AK5: variants seen among roughly 807,000 people sequenced by gnomAD.
AK5 encodes the protein adenylate kinase 5.
Under a neutral mutation model 69.5 loss-of-function variants are expected in AK5, and 27 were observed. The ratio of observed to expected loss-of-function variants is 0.39; its 90% confidence interval spans 0.29 to 0.54. The LOEUF is 0.54. AK5 is among the 20% of genes least tolerant of loss of function. The probability of loss-of-function intolerance (pLI) is 0.71; values close to 1 mark genes in which losing one functional copy is unlikely to be tolerated. For synonymous variants in AK5, 260 were observed against 244.4 expected (o/e 1.06, Z -0.60); for missense variants, 531 against 700.4 (o/e 0.76, Z 2.73).
intron 8 of AK5, among the ~76,000 whole-genome samples, chr1:77,443,998 T>G (rs1052175277): frequency 7.3e-5 from 11 of 151,122 alleles, no homozygotes; most frequent in African/African-American, 2.7e-4. Flanking sequence ...TGCAGTACAC[T>G]ATTATTAACT....
intron 6 of AK5, among the ~76,000 whole-genome samples, chr1:77,368,240 TATATATATATATA>T (rs1647041624): frequency 1.7e-3 from 6 of 3,480 alleles, no homozygotes; most frequent in Non-Finnish European, 5.0e-3. Flanking sequence ...TATATATATA[TATATATATATATA>T]ATATATATGT....
At chr1:77,324,944 A>G (rs1487768059) in intron 5 of AK5, among the ~76,000 whole-genome samples, 1 of 150,966 alleles carries the variant, frequency 6.6e-6, no homozygotes, top group Non-Finnish European at 1.5e-5. Flanking sequence ...CTATTACATC[A>G]GAGCAATTTA....
At chr1:77,539,983 G>A (rs1374791659) in intron 13 of AK5, among the ~76,000 whole-genome samples, 1 of 152,130 alleles carries the variant, frequency 6.6e-6, no homozygotes, top group African/African-American at 2.4e-5. Context: ...AAGCCACAGG[G>A]GGGGCCAACC....
chr1:77,390,902 ATTAT>A (rs1422102857), intron 6 of AK5, among the ~76,000 whole-genome samples: 1 of 152,220 alleles, frequency 6.6e-6, no homozygotes, highest in Non-Finnish European at 1.5e-5. Context: ...AGAACAATAG[ATTAT>A]TTGTGTCTGT....
chr1:77,553,700 C>T (rs962340918), intron 13 of AK5, among the ~76,000 whole-genome samples: 11 of 152,186 alleles, frequency 7.2e-5, no homozygotes, highest in African/African-American at 1.7e-4. Flanking sequence ...TCCACTGATA[C>T]GATCATGGAC....
rs1397730916 is a variant in AK5 at position 77,342,904 on chromosome 1, A to T, written c.891+2336A>T. On this transcript the variant is annotated intron_variant, in intron 6 of 13. Coordinates refer to ENST00000354567, the MANE Select transcript of AK5 (RefSeq NM_174858.3). ...TTACTCATTCAGTAAATATTTACTG[A>T]AAACCAGGATACTCTGCTAGGGGAC... Among the ~76,000 whole-genome samples, 3 of 151,994 alleles carry T rather than the reference A, an allele frequency of 2.0e-5. No individual in the cohort carries two copies. In the East Asian group the frequency reaches 5.8e-4, roughly 29 times the overall value.
At chr1:77,366,447 T>C (rs1257287633) in intron 6 of AK5, among the ~76,000 whole-genome samples, 2 of 152,220 alleles carry the variant, frequency 1.3e-5, no homozygotes, top group Non-Finnish European at 2.9e-5. Flanking sequence ...GACTATTATA[T>C]TTATAGAGAT....
intron 13 of AK5, among the ~76,000 whole-genome samples, chr1:77,553,066 A>G (rs1394288146): frequency 6.6e-6 from 1 of 152,312 alleles, no homozygotes; most frequent in African/African-American, 2.4e-5. Flanking sequence ...TTCTTTAAAA[A>G]ATTTGTATAT....
chr1:77,464,969 G>A (rs1431229498), intron 8 of AK5, among the ~76,000 whole-genome samples: 4 of 152,210 alleles, frequency 2.6e-5, no homozygotes, highest in East Asian at 1.9e-4. Flanking sequence ...GCAGACTTTG[G>A]GAACTCTTTG....
chr1:77,391,421 G>A (rs12401953), intron 6 of AK5, among the ~76,000 whole-genome samples: 24,994 of 122,964 alleles, frequency 0.2, 2,630 homozygotes, highest in East Asian at 0.41. Context: ...ACATATATAT[G>A]TATATATATA....
intron 6 of AK5, among the ~76,000 whole-genome samples, chr1:77,361,799 C>T (rs546060351): frequency 3.2e-4 from 49 of 152,178 alleles, no homozygotes; most frequent in Non-Finnish European, 6.2e-4. Flanking sequence ...GAGACTCATT[C>T]GCTATGACAA....
intron 6 of AK5, among the ~76,000 whole-genome samples, chr1:77,341,959 C>T (rs1305751778): frequency 2.0e-5 from 3 of 152,050 alleles, no homozygotes; most frequent in Non-Finnish European, 2.9e-5. Context: ...AGTGCAATGG[C>T]GTGATCTCAG....
At chr1:77,469,836 G>A (rs932864102) in intron 8 of AK5, among the ~76,000 whole-genome samples, 1 of 152,222 alleles carries the variant, frequency 6.6e-6, no homozygotes, top group Non-Finnish European at 1.5e-5. Flanking sequence ...TGGCTGAACA[G>A]CAAGTAACAA....
chr1:77,328,238 C>T (rs1292724082), intron 5 of AK5, among the ~76,000 whole-genome samples: 4 of 152,152 alleles, frequency 2.6e-5, no homozygotes, highest in African/African-American at 9.7e-5. Context: ...CAGTGGCTCA[C>T]GCCTGTAATT....
At chr1:77,482,901 G>T (rs113591128) in intron 8 of AK5, among the ~76,000 whole-genome samples, 8 of 147,676 alleles carry the variant, frequency 5.4e-5, no homozygotes, top group African/African-American at 1.8e-4. Context: ...TCATAAAACC[G>T]CTGTGATCAC....
At chr1:77,319,989 A>G (rs1362523998) in intron 5 of AK5, among the ~76,000 whole-genome samples, 1 of 152,244 alleles carries the variant, frequency 6.6e-6, no homozygotes, top group Non-Finnish European at 1.5e-5. Context: ...CTATGCAGAA[A>G]TACCCAAGAC....
chr1:77,286,205 A>G (rs1235729368), intron 1 of AK5, among the ~76,000 whole-genome samples: 1 of 151,518 alleles, frequency 6.6e-6, no homozygotes, highest in South Asian at 2.1e-4. Context: ...TTCTTAAAAA[A>G]CTCTATGAGG....
rs778835802 is a variant in AK5 at position 77,410,986 on chromosome 1, T to C, written c.897T>C (p.Asp299=). Reference sequence around the variant, plus strand: ...TCTGTCCTGATTTCCCCCAGTTTGATGCCGACCGCGATGAGGATGAGGTGT... The same window carrying C: ...TCTGTCCTGATTTCCCCCAGTTTGACGCCGACCGCGATGAGGATGAGGTGT... The part of the protein sequence containing the change: ...FQEKGLIMTF[D]ADRDEDEVFY... Residue 299 remains aspartate (D), a synonymous_variant, in exon 7 of 14, where the codon GAT becomes GAC. Coordinates refer to ENST00000354567, the MANE Select transcript of AK5 (RefSeq NM_174858.3). 6.2e-7 allele frequency: 1 copy of C among 1,613,626 alleles called. No homozygotes were observed. The highest frequency in any genetic ancestry group is 8.5e-7 in the Non-Finnish European group (1 of 1,179,824).
intron 8 of AK5, among the ~76,000 whole-genome samples, chr1:77,443,024 A>G (rs1652425905): frequency 1.3e-5 from 2 of 152,110 alleles, no homozygotes; most frequent in South Asian, 4.2e-4. Flanking sequence ...AACTGACTCC[A>G]TTTTGATTCT....
Sources: gnomAD v4.1 joint callset for allele counts (sites outside exome capture counted in the v4.1 genomes callset) on GRCh38, gnomAD v4.1.1 for gene constraint, MANE v1.5 for transcripts, NCBI Gene and HGNC (gene_info 2026-07-23, HGNC 2026-07-21) for gene names.